HDAC4: variants seen among roughly 807,000 people sequenced by gnomAD.
HDAC4 encodes the protein histone deacetylase 4.
In HDAC4, 16 loss-of-function variants were observed where a neutral mutation model predicts 135.1. The ratio of observed to expected loss-of-function variants is 0.12; its 90% CI spans 0.08 to 0.18. The LOEUF is 0.18. Ranked by LOEUF, HDAC4 falls within the 10% of genes least tolerant of loss-of-function variation. The probability of loss-of-function intolerance (pLI) is 1.00; values close to 1 mark genes in which losing one functional copy is unlikely to be tolerated. For synonymous variants in HDAC4, 685 were observed against 653.4 expected, an observed-to-expected ratio of 1.05 and a Z score of -0.74; for missense variants, 1,143 against 1,511.8, an observed-to-expected ratio of 0.76 and a Z score of 4.05.
intron 2 of HDAC4, among the ~76,000 whole-genome samples, chr2:239,275,375 C>T (rs1483148331): frequency 2.0e-5 from 3 of 152,234 alleles, no homozygotes; most frequent in Non-Finnish European, 2.9e-5. Context: ...AAGCACAGGG[C>T]TCACCCAGAA....
intron 24 of HDAC4, among the ~76,000 whole-genome samples, chr2:239,059,326 G>C (rs1476567549): frequency 6.6e-6 from 1 of 152,160 alleles, no homozygotes; most frequent in African/African-American, 2.4e-5. Flanking sequence ...TGGGAAAGCA[G>C]ACAAATTCTG....
chr2:239,157,511 G>A (rs1410270573), intron 6 of HDAC4, among the ~76,000 whole-genome samples: 1 of 152,236 alleles, frequency 6.6e-6, no homozygotes, highest in East Asian at 1.9e-4. Context: ...ACGGACATGG[G>A]GAGGAGGCGG....
At chr2:239,088,489 C>T (rs1389805347) in intron 18 of HDAC4, among the ~76,000 whole-genome samples, 3 of 152,220 alleles carry the variant, frequency 2.0e-5, no homozygotes, top group South Asian at 2.1e-4. Flanking sequence ...GCAGACCCCT[C>T]GGTCCCGACC....
intron 2 of HDAC4, among the ~76,000 whole-genome samples, chr2:239,304,062 T>G (rs1390023008): frequency 6.6e-6 from 1 of 152,242 alleles, no homozygotes; most frequent in Non-Finnish European, 1.5e-5. Context: ...GACCCCTGTG[T>G]GCAGGCCCAG....
intron 2 of HDAC4, among the ~76,000 whole-genome samples, chr2:239,237,944 G>A (rs1226534782): frequency 2.6e-5 from 4 of 152,162 alleles, no homozygotes; most frequent in South Asian, 2.1e-4. Context: ...GGGCATATTC[G>A]GAGGCAAAAC....
intron 2 of HDAC4, among the ~76,000 whole-genome samples, chr2:239,237,079 C>A (rs1182837710): frequency 2.0e-5 from 3 of 152,142 alleles, no homozygotes; most frequent in African/African-American, 7.2e-5. Flanking sequence ...GCACAGGGAG[C>A]CCTCGGAACC....
chr2:239,071,447 C>T (rs375392028), intron 22 of HDAC4, among the ~76,000 whole-genome samples: 84 of 152,290 alleles, frequency 5.5e-4, no homozygotes, highest in African/African-American at 2.0e-3. Flanking sequence ...GGGGGAAACT[C>T]TCCCAGTGAT....
intron 2 of HDAC4, among the ~76,000 whole-genome samples, chr2:239,300,081 CA>C (rs1487128757): frequency 6.6e-6 from 1 of 152,194 alleles, no homozygotes; most frequent in Non-Finnish European, 1.5e-5. Context: ...CTCTCTCTAA[CA>C]CAGAACTTCT....
rs911923052 is a variant in HDAC4, at chr2:239,299,549, A to C, written c.22+53129T>G. On this transcript the variant is annotated intron_variant, in intron 2 of 26. Coordinates refer to ENST00000543185, the MANE Select transcript of HDAC4 (RefSeq NM_001378414.1). The surrounding 1 kb of genome is among the most constrained non-coding windows in gnomAD (Gnocchi z 4.0). ...CTGTACAACTGTACAACGGGAGGGC[A>C]GCGACACGTGCTTATTTGTATTAAT... is the stretch of plus-strand genomic sequence containing the variant. Among the ~76,000 whole-genome samples the C allele has an allele frequency of 6.6e-6, 1 of 152,250 alleles. No homozygotes were observed. Among genetic ancestry groups the C allele is most frequent in the Non-Finnish European group, 1.5e-5 (1 of 68,046 alleles).
intron 2 of HDAC4, among the ~76,000 whole-genome samples, chr2:239,239,416 T>C (rs1002074402): frequency 6.6e-6 from 1 of 152,116 alleles, no homozygotes; most frequent in Non-Finnish European, 1.5e-5. Flanking sequence ...GGTCAGCAGG[T>C]GCGGCTGAAC....
intron 14 of HDAC4, among the ~76,000 whole-genome samples, chr2:239,110,065 A>T (rs548413042): frequency 1.3e-5 from 2 of 152,312 alleles, no homozygotes; most frequent in African/African-American, 4.8e-5. Context: ...TGAGAGTGTG[A>T]GGTACTAACA....
chr2:239,116,167 G>A (rs1302514354), intron 12 of HDAC4, among the ~76,000 whole-genome samples: 1 of 152,084 alleles, frequency 6.6e-6, no homozygotes, highest in Non-Finnish European at 1.5e-5. Context: ...CCTGCTCCTC[G>A]GCTCATTTCC....
chr2:239,322,276 T>C (rs1559363321), intron 2 of HDAC4, among the ~76,000 whole-genome samples: 1 of 152,260 alleles, frequency 6.6e-6, no homozygotes, highest in Non-Finnish European at 1.5e-5. Flanking sequence ...TGCCTTGCAA[T>C]GACAAGTTTA....
At chr2:239,233,196 G>C (rs1487506308) in intron 3 of HDAC4, among the ~76,000 whole-genome samples, 2 of 152,194 alleles carry the variant, frequency 1.3e-5, no homozygotes, top group Non-Finnish European at 2.9e-5. Flanking sequence ...AAAAAAGAAA[G>C]AGAACAAAGT....
intron 24 of HDAC4, among the ~76,000 whole-genome samples, chr2:239,063,785 A>G (rs796855798): frequency 9.3e-4 from 142 of 152,040 alleles, no homozygotes; most frequent in African/African-American, 3.4e-3. Context: ...GGCGTCCTCT[A>G]CTTCTTCAAG....
rs1034192981 is a variant in HDAC4 at position 239,262,750 on chromosome 2, G to A, written c.23-26086C>T. Among the ~76,000 whole-genome samples the A allele has an allele frequency of 1.3e-5, 2 of 152,210 alleles. No individual in the cohort carries two copies. Among genetic ancestry groups the A allele is most frequent in the Non-Finnish European group, 1.5e-5 (1 of 68,028 alleles). Reference sequence around the variant, plus strand: ...GGGCACAGGGCATTCTGTGGGCCACGCTCGCAGCCCAAGAACACAGACGAG... The same window carrying A: ...GGGCACAGGGCATTCTGTGGGCCACACTCGCAGCCCAAGAACACAGACGAG... On this transcript the variant is annotated intron_variant, in intron 2 of 26. Transcript: ENST00000543185. This position sits in a 1 kb window ranked among gnomAD's most constrained non-coding sequence, Gnocchi z 4.1.
intron 2 of HDAC4, among the ~76,000 whole-genome samples, chr2:239,314,004 G>C (rs1411598150): frequency 6.6e-6 from 1 of 152,128 alleles, no homozygotes; most frequent in East Asian, 1.9e-4. Context: ...CCTGGGCTTG[G>C]TGCTGGCTAG....
chr2:239,236,654 A>C lies in HDAC4; in HGVS notation c.33T>G (p.Ser11=), dbSNP rs139297750. Residue 11 remains serine (S), a synonymous_variant, in exon 3 of 27, where the codon TCT becomes TCG. Transcript: ENST00000543185. ...GCAGCTCCACTGGCTGGTCTCGGCC[A>C]GAAAGTCCATCTGGAGAACAGAGAA... is the stretch of plus-strand genomic sequence containing the variant. The part of the protein sequence containing the change: MSSQSHPDGL[S]GRDQPVELLN... 3.2e-6 allele frequency: 5 copies of C among 1,551,594 alleles called. No individual in the cohort carries two copies. In the African/African-American group the frequency reaches 5.5e-5, roughly 17 times the overall value.
At chr2:239,340,495 G>A (rs1692232448) in intron 2 of HDAC4, among the ~76,000 whole-genome samples, 1 of 152,012 alleles carries the variant, frequency 6.6e-6, no homozygotes, top group South Asian at 2.1e-4. Context: ...ACCATGGTGG[G>A]GTGTCAGCAC....
Sources: gnomAD v4.1 joint callset for allele counts (sites outside exome capture counted in the v4.1 genomes callset) on GRCh38, gnomAD v4.1.1 for gene constraint, Gnocchi (gnomAD v3.1) non-coding constraint, MANE v1.5 for transcripts, NCBI Gene and HGNC (gene_info 2026-07-23, HGNC 2026-07-21) for gene names.